The following MET variants were observed in gnomAD, a reference collection of about 807,000 sequenced individuals.
The protein encoded by MET is MET proto-oncogene, receptor tyrosine kinase, also known as hepatocyte growth factor receptor.
In MET, 48 loss-of-function variants were observed where a neutral mutation model predicts 133.1. The ratio of observed to expected loss-of-function variants is 0.36; its 90% CI spans 0.29 to 0.46. The LOEUF (loss-of-function observed/expected upper bound fraction) is 0.46, where lower values mean the gene tolerates loss of function less well. MET is among the 20% of genes least tolerant of loss of function. MET has a pLI of 1.00. For synonymous variants in MET, 628 were observed against 616.5 expected (o/e 1.02, Z -0.28); for missense variants, 1,442 against 1,695.9 (o/e 0.85, Z 2.63).
At chr7:116,769,935 AGAAATAGT>A in intron 12 of MET, 144 bp downstream of exon 12, 1 of 1,204,658 alleles carries the variant, frequency 8.3e-7, no homozygotes, top group Non-Finnish European at 1.2e-6. Context: ...TTGTTATTTT[AGAAATAGT>A]GAGCTTTTTG....
Position 116,797,862 on chromosome 7 carries a change from A to C in MET, c.*1738A>C. ...GCAAGCTACAAAGAGGGTGTGTCAC[A>C]CTGAAACTCAATAGTTGAGTTTGGC... On this transcript the variant is annotated 3_prime_UTR_variant, in exon 21 of 21. Transcript: ENST00000397752. 1 of 225,134 alleles carries C rather than the reference A, an allele frequency of 4.4e-6. No homozygotes were observed. The highest frequency in any genetic ancestry group is 8.9e-6 in the Non-Finnish European group (1 of 112,860). The allele number at this position is 225,134 out of a possible 1,614,324, so 13.9% of individuals were successfully genotyped here. A position where few individuals can be genotyped will look rare whatever the true frequency, so the allele number is the denominator to read the frequency against.
intron 17 of MET, 97 bp downstream of exon 17, chr7:116,779,054 C>A: frequency 8.5e-7 from 1 of 1,171,178 alleles, no homozygotes; most frequent in Non-Finnish European, 1.2e-6. Context: ...AGCTAGTAGC[C>A]AAAGATGCAC....
intron 1 of MET, among the ~76,000 whole-genome samples, chr7:116,698,032 G>T (rs551411613): frequency 6.6e-6 from 1 of 152,218 alleles, no homozygotes; most frequent in African/African-American, 2.4e-5. Context: ...CAGTCATGAT[G>T]CCTAGTATGT....
chr7:116,724,685 A>C (rs1792669049), intron 2 of MET: 1 of 538,100 alleles, frequency 1.9e-6, no homozygotes, highest in Non-Finnish European at 3.3e-6. Flanking sequence ...AATCGGAAAA[A>C]AAATCAGCAA....
At chr7:116,788,578 G>A (rs1346916475) in intron 19 of MET, among the ~76,000 whole-genome samples, 1 of 152,188 alleles carries the variant, frequency 6.6e-6, no homozygotes. Flanking sequence ...CTGCAGATAG[G>A]ATGGTGCTAT....
intron 1 of MET, among the ~76,000 whole-genome samples, chr7:116,697,466 A>G (rs1416896139): frequency 6.6e-6 from 1 of 152,120 alleles, no homozygotes; most frequent in East Asian, 1.9e-4. Flanking sequence ...AAAATTCCTT[A>G]ATGATTATTA....
At chr7:116,724,771 G>T in intron 2 of MET, 6 of 1,177,858 alleles carry the variant, frequency 5.1e-6, no homozygotes, top group Non-Finnish European at 5.5e-6. Flanking sequence ...TCCCTTTACA[G>T]GCAGAAAATG....
At chr7:116,771,127 C>T (rs1338454862) in intron 12 of MET, among the ~76,000 whole-genome samples, 1 of 152,168 alleles carries the variant, frequency 6.6e-6, no homozygotes, top group Non-Finnish European at 1.5e-5. Flanking sequence ...GAATTAATGT[C>T]CCATTGTCTC....
intron 3 of MET, among the ~76,000 whole-genome samples, chr7:116,737,949 T>C (rs541529889): frequency 3.3e-5 from 5 of 152,182 alleles, no homozygotes; most frequent in African/African-American, 1.2e-4. Context: ...AAAAAAGGGC[T>C]CTAGGAGGTG....
chr7:116,702,315 C>T (rs922268420), intron 2 of MET, among the ~76,000 whole-genome samples: 1 of 152,010 alleles, frequency 6.6e-6, no homozygotes. Flanking sequence ...ACCTTCAAAC[C>T]TCCTCTATTT....
chr7:116,781,872 C>G, intron 17 of MET, 116 bp from the exon 18 acceptor site: 2 of 770,768 alleles, frequency 2.6e-6, no homozygotes, highest in Non-Finnish European at 4.4e-6. Flanking sequence ...GCCATTAAGA[C>G]CAAACTAATT....
intron 1 of MET, among the ~76,000 whole-genome samples, chr7:116,696,340 G>A (rs1191268181): frequency 6.6e-6 from 1 of 152,046 alleles, no homozygotes; most frequent in Non-Finnish European, 1.5e-5. Flanking sequence ...TAGAAGAAAG[G>A]GGGGTCCTGC....
intron 6 of MET, 108 bp from the exon 7 acceptor site, chr7:116,757,329 T>A: frequency 1.2e-6 from 1 of 863,884 alleles, no homozygotes; most frequent in Non-Finnish European, 1.9e-6. Flanking sequence ...TGCTTGCTAT[T>A]CAAAGCAGTC....
intron 5 of MET, among the ~76,000 whole-genome samples, chr7:116,745,051 T>G (rs987508441): frequency 2.6e-4 from 39 of 152,340 alleles, no homozygotes; most frequent in Non-Finnish European, 4.1e-4. Context: ...GCCCAAAGTC[T>G]CCTTAAGCTG....
In MET at chr7:116,758,441, T is replaced by G; in HGVS notation, c.2103-18T>G. ...TCTCTAATAGCTAAAATTCACTTCC[T>G]TAATTTTTTTTGTTCAGTGTGTCAA... On this transcript the variant is annotated intron_variant, in intron 8 of 20. Transcript: ENST00000397752. 6.2e-7 allele frequency: 1 copy of G among 1,612,032 alleles called. No homozygotes were observed. Among genetic ancestry groups the G allele is most frequent in the Non-Finnish European group, 8.5e-7 (1 of 1,178,366 alleles).
chr7:116,768,655 C>T (rs1017062541), intron 11 of MET, among the ~76,000 whole-genome samples: 1 of 152,012 alleles, frequency 6.6e-6, no homozygotes, highest in African/African-American at 2.4e-5. Context: ...TGGAGTTTGC[C>T]GAGTATTAAA....
chr7:116,693,114 A>G (rs1385105421), intron 1 of MET, among the ~76,000 whole-genome samples: 1 of 152,256 alleles, frequency 6.6e-6, no homozygotes, highest in Non-Finnish European at 1.5e-5. Flanking sequence ...GGCAAGTTAC[A>G]TAGATGAGGA....
chr7:116,774,838 A>G (rs1420950882), intron 14 of MET, 43 bp from the exon 15 acceptor site: 1 of 1,459,912 alleles, frequency 6.8e-7, no homozygotes, highest in Non-Finnish European at 9.6e-7. Context: ...CCATTAAATG[A>G]GGTTTTACTG....
At position 116,699,246 on chromosome 7, in the gene MET, T is replaced by A. The variant is rs1791464380; in HGVS notation, c.162T>A (p.Asn54Lys). 3 of 1,613,978 alleles carry A rather than the reference T, an allele frequency of 1.9e-6. No individual in the cohort carries two copies. The highest frequency in any genetic ancestry group is 2.5e-6 in the Non-Finnish European group (3 of 1,179,910). The change falls in exon 2 of 21, where the codon AAT becomes AAA. Residue 54 changes from asparagine to lysine, a missense_variant. Around this residue, in one of 6 missense-constraint regions of MET, gnomAD observed 762 missense variants for 792.4 expected, o/e 0.96. Coordinates refer to ENST00000397752, the MANE Select transcript of MET (RefSeq NM_000245.4). ...PNFTAETPIQ[N>K]VILHEHHIFL... ...TCACCGCGGAAACACCCATCCAGAATGTCATTCTACATGAGCATCACATTT... is the reference window on the plus strand; with the variant it reads ...TCACCGCGGAAACACCCATCCAGAAAGTCATTCTACATGAGCATCACATTT...
Sources: allele counts gnomAD v4.1 joint callset (sites outside exome capture counted in the v4.1 genomes callset), GRCh38; gene constraint gnomAD v4.1.1; regional missense constraint gnomAD v4.1.1; transcripts MANE v1.5; gene names NCBI Gene and HGNC (gene_info 2026-07-23, HGNC 2026-07-21).